The following OR5H15 variants were observed in gnomAD, a reference collection of about 807,000 sequenced individuals.
OR5H15 encodes the protein olfactory receptor family 5 subfamily H member 15.
For synonymous variants in OR5H15, 153 were observed against 129.1 expected (o/e 1.19, Z -1.26); for missense variants, 405 against 366.1 (o/e 1.11, Z -0.87).
At position 98,169,728 on chromosome 3, in the gene OR5H15, A is replaced by G. The variant is rs763110852; in HGVS notation, c.*87A>G. The G allele has an allele frequency of 1.9e-5, 18 of 936,474 alleles. No individual in the cohort carries two copies. Among genetic ancestry groups the G allele is most frequent in the Non-Finnish European group, 2.7e-5 (16 of 597,096 alleles). 58.0% of individuals were successfully genotyped at this position (936,474 alleles called of 1,614,324 possible). ...TTTCCAGTGTTCAAACATTTTTGCA[A>G]GTATAACTGTCCTAGCACTTTAATG... On this transcript the variant is annotated 3_prime_UTR_variant, in exon 2 of 2. Transcript: ENST00000641450.
Position 98,169,659 on chromosome 3 carries a change from CTAAAA to C in OR5H15, c.*21_*25del, listed in dbSNP as rs1559813926. On this transcript the variant is annotated 3_prime_UTR_variant, in exon 2 of 2. Transcript: ENST00000641450. ...CATACTAATATCCTTTTTCTATTTA[CTAAAA>C]TAGTCACAAAATTACGCAAGTTAGA... 6.6e-7 allele frequency: 1 copy of C among 1,526,592 alleles called. No homozygotes were observed. Among genetic ancestry groups the C allele is most frequent in the Non-Finnish European group, 9.0e-7 (1 of 1,112,014 alleles). The allele number at this position is 1,526,592 out of a possible 1,614,324, so 94.6% of individuals were successfully genotyped here.
chr3:98,169,630 G>A lies in OR5H15; in HGVS notation c.931G>A (p.Val311Ile), dbSNP rs771371946. ...FIKMLKRNVK[V>I]SY Reference sequence around the variant, plus strand: ...AAAAATGTTAAAAAGAAATGTTAAGGTTTCATACTAATATCCTTTTTCTAT... The same window carrying A: ...AAAAATGTTAAAAAGAAATGTTAAGATTTCATACTAATATCCTTTTTCTAT... Residue 311 changes from valine (V) to isoleucine (I), a missense_variant, in exon 2 of 2, where the codon GTT becomes ATT. Transcript: ENST00000641450. The A allele has an allele frequency of 1.9e-6, 3 of 1,582,178 alleles. No individual in the cohort carries two copies. The highest frequency in any genetic ancestry group is 2.7e-5 in the African/African-American group (2 of 74,006).
chr3:98,168,624 A>G (rs1708753505), intron 1 of OR5H15, 58 bp from the exon 2 acceptor site: 1 of 1,562,100 alleles, frequency 6.4e-7, no homozygotes, highest in Admixed American at 1.8e-5. Flanking sequence ...CTCTTCCCCA[A>G]TTTCAACTCA....
chr3:98,167,948 A>T (rs1305978510), intron 1 of OR5H15, among the ~76,000 whole-genome samples: 1 of 152,062 alleles, frequency 6.6e-6, no homozygotes, highest in African/African-American at 2.4e-5. Flanking sequence ...GAATCTATTT[A>T]TTTGTTTTAC....
At position 98,169,696 on chromosome 3, in the gene OR5H15, T is replaced by C. The variant is rs1363256719; in HGVS notation, c.*55T>C. ...CAAAATTACGCAAGTTAGAGGTACC[T>C]ATGTTGTTTCCAGTGTTCAAACATT... is the stretch of plus-strand genomic sequence containing the variant. On this transcript the variant is annotated 3_prime_UTR_variant, in exon 2 of 2. Transcript: ENST00000641450. 1.6e-6 allele frequency: 2 copies of C among 1,239,932 alleles called. No homozygotes were observed. Among genetic ancestry groups the C allele is most frequent in the Non-Finnish European group, 2.3e-6 (2 of 864,234 alleles). 76.8% of individuals were successfully genotyped at this position (1,239,932 alleles called of 1,614,324 possible).
chr3:98,169,045 G>A lies in OR5H15; in HGVS notation c.346G>A (p.Ala116Thr). The A allele has an allele frequency of 6.2e-7, 1 of 1,613,564 alleles. No homozygotes were observed. Among genetic ancestry groups the A allele is most frequent in the Non-Finnish European group, 8.5e-7 (1 of 1,179,650 alleles). Residue 116 changes from alanine to threonine, a missense_variant, in exon 2 of 2, where the codon GCA becomes ACA. By Grantham distance (58) the Ala-to-Thr change is moderately conservative. Transcript: ENST00000641450. ...CGTAACCACAGAATGTTTTCTCTTG[G>A]CAACAATGGCATATGATCGCTATGT... ...IGVTTECFLL[A>T]TMAYDRYVAI...
chr3:98,168,784 T>G lies in OR5H15; in HGVS notation c.85T>G (p.Leu29Val), dbSNP rs760462853. 3.7e-6 allele frequency: 6 copies of G among 1,612,000 alleles called. No individual in the cohort carries two copies. Among genetic ancestry groups the G allele is most frequent in the Non-Finnish European group, 4.2e-6 (5 of 1,179,492 alleles). Residue 29 changes from leucine (L) to valine (V), a missense_variant, in exon 2 of 2, where the codon TTG (leucine) becomes GTG (valine). Physicochemically the swap from Leu to Val is conservative, Grantham distance 32. Transcript: ENST00000641450. ...YQPQWKIPLF[L>V]AFLVIYLITI... ...ACCACAGTGGAAAATACCCCTGTTC[T>G]TGGCATTCTTGGTAATATATCTCAT...
chr3:98,167,451 T>G (rs1448562139), intron 1 of OR5H15, among the ~76,000 whole-genome samples: 1 of 151,828 alleles, frequency 6.6e-6, no homozygotes, highest in Non-Finnish European at 1.5e-5. Flanking sequence ...GATCATTGTT[T>G]CCTCACTCTA....
chr3:98,168,108 C>A (rs1330488297), intron 1 of OR5H15, among the ~76,000 whole-genome samples: 1 of 152,152 alleles, frequency 6.6e-6, no homozygotes, highest in East Asian at 1.9e-4. Context: ...TTCATGAACA[C>A]TCTGTCAGAT....
chr3:98,169,649 T>A lies in OR5H15; in HGVS notation c.*8T>A. ...GTTAAGGTTTCATACTAATATCCTT[T>A]TTCTATTTACTAAAATAGTCACAAA... On this transcript the variant is annotated 3_prime_UTR_variant, in exon 2 of 2. Coordinates refer to ENST00000641450, the MANE Select transcript of OR5H15 (RefSeq NM_001005515.2). 2.6e-6 allele frequency: 4 copies of A among 1,556,726 alleles called. No individual in the cohort carries two copies. The highest frequency in any genetic ancestry group is 3.5e-6 in the Non-Finnish European group (4 of 1,136,018).
In OR5H15 at chr3:98,168,742, A is replaced by C. The variant is rs754576835; in HGVS notation, c.43A>C (p.Thr15Pro). Residue 15 changes from threonine (T) to proline (P), a missense_variant, in exon 2 of 2, where the codon ACA becomes CCA. Thr to Pro is a conservative substitution (Grantham distance 38). Coordinates refer to ENST00000641450, the MANE Select transcript of OR5H15 (RefSeq NM_001005515.2). ...NATLLTEFVL[T>P]GFLYQPQWKI... ...AACATTGCTGACAGAGTTTGTTCTC[A>C]CAGGATTTTTATATCAACCACAGTG... 5 of 1,613,256 alleles carry C rather than the reference A, an allele frequency of 3.1e-6. No individual in the cohort carries two copies. The highest frequency in any genetic ancestry group is 4.2e-6 in the Non-Finnish European group (5 of 1,179,508).
chr3:98,167,369 C>T (rs974721786), intron 1 of OR5H15, among the ~76,000 whole-genome samples: 1 of 136,844 alleles, frequency 7.3e-6, no homozygotes. Context: ...AATCTTTTGT[C>T]CCTGTACTTC....
At position 98,169,036 on chromosome 3, in the gene OR5H15, T is replaced by G; in HGVS notation, c.337T>G (p.Phe113Val). 6.2e-7 allele frequency: 1 copy of G among 1,613,672 alleles called. No homozygotes were observed. The highest frequency in any genetic ancestry group is 1.1e-5 in the South Asian group (1 of 91,064). ...SIAIGVTTECFLLATMAYDRY... is the reference protein window; with the variant it reads ...SIAIGVTTECVLLATMAYDRY... ...TGCAATTGGCGTAACCACAGAATGT[T>G]TTCTCTTGGCAACAATGGCATATGA... The change falls in exon 2 of 2, where the codon TTT becomes GTT. Residue 113 changes from phenylalanine (F) to valine (V), a missense_variant. Phe to Val is a conservative substitution (Grantham distance 50, BLOSUM62 -1). Coordinates refer to ENST00000641450, the MANE Select transcript of OR5H15 (RefSeq NM_001005515.2).
At chr3:98,167,934 C>T (rs1331268816) in intron 1 of OR5H15, among the ~76,000 whole-genome samples, 1 of 152,012 alleles carries the variant, frequency 6.6e-6, no homozygotes, top group East Asian at 1.9e-4. Flanking sequence ...TTCTGAATTC[C>T]TTAGAATCTA....
chr3:98,169,761 A>G lies in OR5H15; in HGVS notation c.*120A>G. The G allele has an allele frequency of 1.4e-6, 1 of 726,942 alleles. No individual in the cohort carries two copies. The highest frequency in any genetic ancestry group is 1.5e-5 in the South Asian group (1 of 65,144). 45.0% of individuals were successfully genotyped at this position (726,942 alleles called of 1,614,324 possible). A position where few individuals can be genotyped will look rare whatever the true frequency, so the allele number is the denominator to read the frequency against. On this transcript the variant is annotated 3_prime_UTR_variant, in exon 2 of 2. Coordinates refer to ENST00000641450, the MANE Select transcript of OR5H15 (RefSeq NM_001005515.2). The stretch of plus-strand genomic sequence containing the variant: ...TGTCCTAGCACTTTAATGACCTAAC[A>G]TTTTAGTACCTAATAAACTAATTAA...
Position 98,169,111 on chromosome 3 carries a change from A to G in OR5H15, c.412A>G (p.Asn138Asp). ...KPLLYPAIMT[N>D]GLCIRLLILS... is the part of the protein sequence containing the mutation. ...TTTACTTTATCCAGCCATTATGACC[A>G]ATGGACTGTGCATCCGGCTATTAAT... Residue 138 changes from asparagine to aspartate, a missense_variant, in exon 2 of 2, where the codon AAT (asparagine) becomes GAT (aspartate). By Grantham distance (23) the Asn-to-Asp change is conservative. Coordinates refer to ENST00000641450, the MANE Select transcript of OR5H15 (RefSeq NM_001005515.2). 1.2e-6 allele frequency: 2 copies of G among 1,613,594 alleles called. No individual in the cohort carries two copies. The highest frequency in any genetic ancestry group is 1.7e-6 in the Non-Finnish European group (2 of 1,179,636).
intron 1 of OR5H15, 86 bp from the exon 2 acceptor site, chr3:98,168,596 T>C: frequency 1.4e-6 from 2 of 1,446,772 alleles, no homozygotes; most frequent in Non-Finnish European, 1.9e-6. Flanking sequence ...CTGATCATTT[T>C]AGGGTTTATT....
At chr3:98,168,378 G>T (rs1270390623) in intron 1 of OR5H15, among the ~76,000 whole-genome samples, 1 of 151,810 alleles carries the variant, frequency 6.6e-6, no homozygotes, top group Non-Finnish European at 1.5e-5. Context: ...CTTTTCTGTT[G>T]ACATTGTATG....
chr3:98,166,933 A>G (rs1708724875), intron 1 of OR5H15, 102 bp downstream of exon 1: 1 of 152,160 alleles, frequency 6.6e-6, no homozygotes. Flanking sequence ...AAGCTGTCGA[A>G]ATAGCAAGAT....
Sources: allele counts gnomAD v4.1 joint callset (sites outside exome capture counted in the v4.1 genomes callset), GRCh38; gene constraint gnomAD v4.1.1; transcripts MANE v1.5; gene names NCBI Gene and HGNC (gene_info 2026-07-23, HGNC 2026-07-21).